The following NSMCE2 variants were observed in gnomAD, a reference collection of about 807,000 sequenced individuals.
NSMCE2 encodes the protein E3 SUMO-protein ligase NSE2.
Under a neutral mutation model 23.8 loss-of-function variants are expected in NSMCE2, and 24 were observed. The ratio of observed to expected loss-of-function variants is 1.01; its 90% confidence interval spans 0.73 to 1.42. The LOEUF is 1.42. Ranked by LOEUF, NSMCE2 falls within the 40% of genes most tolerant of loss-of-function variation. The probability of loss-of-function intolerance (pLI) is 0.00; values close to 1 mark genes in which losing one functional copy is unlikely to be tolerated. For missense variants in NSMCE2, 284 were observed against 296.5 expected, an observed-to-expected ratio of 0.96 and a Z score of 0.31; for synonymous variants, 92 against 94.1, an observed-to-expected ratio of 0.98 and a Z score of 0.13.
At chr8:125,299,867 G>A (rs562580564) in intron 5 of NSMCE2, among the ~76,000 whole-genome samples, 1 of 125,506 alleles carries the variant, frequency 8.0e-6, no homozygotes, top group East Asian at 2.6e-4. Flanking sequence ...CACTCAGGCT[G>A]GAGTGCAGTG....
At chr8:125,350,517 C>T (rs1354220532) in intron 5 of NSMCE2, among the ~76,000 whole-genome samples, 1 of 152,162 alleles carries the variant, frequency 6.6e-6, no homozygotes, top group Admixed American at 6.5e-5. Context: ...TTGATAAAGA[C>T]ATACCTGAGA....
At chr8:125,357,847 C>T in intron 7 of NSMCE2, 29 bp downstream of exon 7, 1 of 1,477,290 alleles carries the variant, frequency 6.8e-7, no homozygotes, top group Non-Finnish European at 9.5e-7. Context: ...GGAAGTGGAG[C>T]CTTCCCTAGT....
At chr8:125,107,931 G>T (rs560516691) in intron 3 of NSMCE2, among the ~76,000 whole-genome samples, 13 of 152,182 alleles carry the variant, frequency 8.5e-5, no homozygotes, top group African/African-American at 2.9e-4. Flanking sequence ...CTACTCAGAA[G>T]GCTGAGATGG....
At chr8:125,128,491 G>A (rs559334483) in intron 3 of NSMCE2, among the ~76,000 whole-genome samples, 4 of 152,256 alleles carry the variant, frequency 2.6e-5, no homozygotes, top group South Asian at 2.1e-4. Flanking sequence ...TCTGACATAC[G>A]CATCTATGTT....
intron 3 of NSMCE2, 147 bp from the exon 4 acceptor site, chr8:125,151,023 TA>T (rs1390572820): frequency 1.1e-5 from 5 of 435,560 alleles, no homozygotes; most frequent in Non-Finnish European, 2.0e-5. Context: ...TTTTATTTTT[TA>T]TTTTTTTGAG....
rs1239319773 is a variant in NSMCE2, at chr8:125,359,824, TCCA to T, written c.626+2010_626+2012del. Among the ~76,000 whole-genome samples the T allele has an allele frequency of 5.3e-5, 8 of 152,292 alleles. 1 individual carries two copies. In the South Asian group the frequency reaches 1.7e-3, roughly 32 times the overall value. ...ACTATCAACATCCTCTTCGTTTTTTTCCACCATTGCTCTATAGGCATGGGAGAC... is the reference window on the plus strand; with the variant it reads ...ACTATCAACATCCTCTTCGTTTTTTTCCATTGCTCTATAGGCATGGGAGAC... On this transcript the variant is annotated intron_variant, in intron 7 of 7. Coordinates refer to ENST00000287437, the MANE Select transcript of NSMCE2 (RefSeq NM_173685.4).
chr8:125,181,387 A>G (rs1002202925), intron 4 of NSMCE2, among the ~76,000 whole-genome samples: 2 of 152,210 alleles, frequency 1.3e-5, no homozygotes, highest in Admixed American at 6.5e-5. Context: ...GAGAATGGAT[A>G]GCGAGATAGA....
intron 5 of NSMCE2, among the ~76,000 whole-genome samples, chr8:125,302,448 C>G (rs547119838): frequency 6.6e-6 from 1 of 152,080 alleles, no homozygotes; most frequent in Non-Finnish European, 1.5e-5. Flanking sequence ...GAGATGAGAT[C>G]AGAGAGCTAA....
rs1164311543 is a variant in NSMCE2 at position 125,352,545 on chromosome 8, A to G, written c.419-4674A>G. On this transcript the variant is annotated intron_variant, in intron 5 of 7. Coordinates refer to ENST00000287437, the MANE Select transcript of NSMCE2 (RefSeq NM_173685.4). ...CCAACACACAGATTTTAATATTCAA[A>G]TGAACCAGTCAGAGAAAATAGAACA... Among the ~76,000 whole-genome samples, 4 of 152,014 alleles carry G rather than the reference A, an allele frequency of 2.6e-5. No individual in the cohort carries two copies. In the East Asian group the frequency reaches 7.7e-4, roughly 29 times the overall value.
At chr8:125,328,852 A>AT (rs35851979) in intron 5 of NSMCE2, among the ~76,000 whole-genome samples, 66,810 of 151,820 alleles carry the variant, frequency 0.44, 16,985 homozygotes, top group East Asian at 0.55. Context: ...ATCCAAGGTC[A>AT]TTAGTCCCAA....
Position 125,223,062 on chromosome 8 carries a change from A to AAAAATAAAATAAAATAAAATAAAAT in NSMCE2, c.418+40809_418+40833dup, listed in dbSNP as rs541200115. On this transcript the variant is annotated intron_variant, in intron 5 of 7. Coordinates refer to ENST00000287437, the MANE Select transcript of NSMCE2 (RefSeq NM_173685.4). ...GGGCAACAGAGTGAGACCCTGTCTCAAAAATAAAATAAAATAAAATAAAAT... is the reference window on the plus strand; with the variant it reads ...GGGCAACAGAGTGAGACCCTGTCTCAAAAATAAAATAAAATAAAATAAAATAAAATAAAATAAAATAAAATAAAAT... Among the ~76,000 whole-genome samples the AAAAATAAAATAAAATAAAATAAAAT allele has an allele frequency of 4.1e-4, 62 of 151,784 alleles. 1 individual carries two copies. Among genetic ancestry groups the AAAAATAAAATAAAATAAAATAAAAT allele is most frequent in the Middle Eastern group, 3.4e-3 (1 of 292 alleles).
intron 5 of NSMCE2, among the ~76,000 whole-genome samples, chr8:125,323,206 C>T (rs1330640855): frequency 6.6e-6 from 1 of 152,198 alleles, no homozygotes; most frequent in Non-Finnish European, 1.5e-5. Flanking sequence ...ACTCAATATA[C>T]TTAAGATGCC....
chr8:125,313,190 GAA>G (rs1357913608), intron 5 of NSMCE2, among the ~76,000 whole-genome samples: 16 of 139,144 alleles, frequency 1.1e-4, no homozygotes, highest in East Asian at 6.1e-4. Context: ...GAAGGAGAAA[GAA>G]AGAGAGAGAG....
chr8:125,247,432 C>T (rs1264795222), intron 5 of NSMCE2, among the ~76,000 whole-genome samples: 1 of 152,076 alleles, frequency 6.6e-6, no homozygotes, highest in Non-Finnish European at 1.5e-5. Flanking sequence ...TTGAAAGATT[C>T]CTAAATGTGA....
intron 5 of NSMCE2, among the ~76,000 whole-genome samples, chr8:125,255,150 A>G (rs1826352413): frequency 1.3e-5 from 2 of 152,170 alleles, no homozygotes; most frequent in Admixed American, 1.3e-4. Context: ...TGTCAGCTGT[A>G]TGAATGAGCC....
At chr8:125,264,204 C>A (rs1296998102) in intron 5 of NSMCE2, among the ~76,000 whole-genome samples, 2 of 152,208 alleles carry the variant, frequency 1.3e-5, no homozygotes, top group African/African-American at 4.8e-5. Flanking sequence ...AGTGGACTGT[C>A]ATGAGTGTGA....
chr8:125,154,569 G>A (rs966472576), intron 4 of NSMCE2, among the ~76,000 whole-genome samples: 19 of 150,574 alleles, frequency 1.3e-4, no homozygotes, highest in African/African-American at 4.4e-4. Flanking sequence ...ATATTATGCA[G>A]TGAACACTAA....
intron 4 of NSMCE2, among the ~76,000 whole-genome samples, chr8:125,168,769 T>G (rs750553317): frequency 4.9e-4 from 74 of 152,248 alleles, no homozygotes; most frequent in Non-Finnish European, 7.1e-4. Context: ...GCTTTCAGAC[T>G]ATAGGTATAG....
At chr8:125,351,822 C>G (rs1342859347) in intron 5 of NSMCE2, among the ~76,000 whole-genome samples, 1 of 151,890 alleles carries the variant, frequency 6.6e-6, no homozygotes, top group Admixed American at 6.6e-5. Flanking sequence ...ACCAGCCTGG[C>G]CAACATGGTG....
Sources: gnomAD v4.1 joint callset for allele counts (sites outside exome capture counted in the v4.1 genomes callset) on GRCh38, gnomAD v4.1.1 for gene constraint, MANE v1.5 for transcripts, NCBI Gene and HGNC (gene_info 2026-07-23, HGNC 2026-07-21) for gene names.